FTCD: variants seen among roughly 807,000 people sequenced by gnomAD.
The protein encoded by FTCD is formimidoyltransferase cyclodeaminase.
Under a neutral mutation model 62.9 loss-of-function variants are expected in FTCD, and 76 were observed. That is an observed-to-expected ratio of 1.21 (90% CI 1.00 to 1.46). The LOEUF (loss-of-function observed/expected upper bound fraction) is 1.46, where lower values mean the gene tolerates loss of function less well. Ranked by LOEUF, FTCD falls within the 40% of genes most tolerant of loss-of-function variation. The probability of loss-of-function intolerance (pLI) is 0.00; values close to 1 mark genes in which losing one functional copy is unlikely to be tolerated. For missense variants in FTCD, 845 were observed against 751.3 expected (o/e 1.12, Z -1.46); for synonymous variants, 397 against 336.9 (o/e 1.18, Z -1.95).
chr21:46,151,363 C>T (rs1200161917), intron 5 of FTCD, among the ~76,000 whole-genome samples, 195 bp downstream of exon 5: 1 of 152,254 alleles, frequency 6.6e-6, no homozygotes, highest in Admixed American at 6.5e-5. Flanking sequence ...CCCAGCTTCA[C>T]TCCGCCCCTG....
intron 5 of FTCD, 101 bp downstream of exon 5, chr21:46,151,457 C>T (rs961771207): frequency 3.8e-5 from 36 of 952,104 alleles, no homozygotes; most frequent in Non-Finnish European, 4.8e-5. Context: ...CCTGTCCGGC[C>T]GGTGCCCCAT....
rs1377503485 is a variant in FTCD, at chr21:46,151,935, A to G, written c.413T>C (p.Leu138Pro). 2 of 1,573,278 alleles carry G rather than the reference A, an allele frequency of 1.3e-6. No homozygotes were observed. The highest frequency in any genetic ancestry group is 1.2e-5 in the South Asian group (1 of 86,304). The change falls in exon 4 of 14, where the codon CTG (leucine) becomes CCG (proline). Residue 138 changes from leucine (L) to proline (P), a missense_variant. Physicochemically the swap from Leu to Pro is moderately conservative, Grantham distance 98. Transcript: ENST00000397746. ...EAARMDSRRT[L>P]PAIRAGEYEA... is the part of the protein sequence containing the mutation. The stretch of plus-strand genomic sequence containing the variant: ...GTACTCCCCGGCCCGGATGGCCGGC[A>G]GGGTCCGGCGACTGTCCATCCTGGC...
At chr21:46,138,415 GC>G (rs1191224261) in intron 12 of FTCD, 92 bp downstream of exon 12, 2 of 1,304,432 alleles carry the variant, frequency 1.5e-6, no homozygotes, top group Non-Finnish European at 2.1e-6. Flanking sequence ...ACCTGGCTCA[GC>G]CCAGCCAACC....
Position 46,155,473 on chromosome 21 carries a change from C to T in FTCD, c.51G>A (p.Gln17=). The T allele has an allele frequency of 1.2e-6, 2 of 1,612,772 alleles. No individual in the cohort carries two copies. The highest frequency in any genetic ancestry group is 1.7e-6 in the Non-Finnish European group (2 of 1,179,630). ...TGACCAGCTCCTCGGGCCTCACCTC[C>T]TGGTTCTTCCCCTCCGAAAAGTTGG... ...CVPNFSEGKN[Q]EVIDAISGAI... Residue 17 remains glutamine, a synonymous_variant, in exon 1 of 14, where the codon CAG becomes CAA. Coordinates refer to ENST00000397746, the MANE Select transcript of FTCD (RefSeq NM_206965.2).
intron 7 of FTCD, among the ~76,000 whole-genome samples, chr21:46,148,525 G>T (rs1170753306): frequency 6.6e-6 from 1 of 152,160 alleles, no homozygotes; most frequent in African/African-American, 2.4e-5. Flanking sequence ...AGGCTGAGGT[G>T]GGAAGATCAC....
At chr21:46,139,271 C>T (rs2078942132) in intron 10 of FTCD, among the ~76,000 whole-genome samples, 1 of 152,290 alleles carries the variant, frequency 6.6e-6, no homozygotes, top group African/African-American at 2.4e-5. Flanking sequence ...GTGTCTCCAA[C>T]ACAAGCAGCT....
Position 46,152,414 on chromosome 21 carries a change from C to T in FTCD, c.368-434G>A, listed in dbSNP as rs988181007. 1.5e-4 allele frequency: 31 copies of T among 203,968 alleles called. 1 individual carries two copies. The highest frequency in any genetic ancestry group is 8.0e-4 in the East Asian group (6 of 7,492). The allele number at this position is 203,968 out of a possible 1,614,324, so 12.6% of individuals were successfully genotyped here. ...TTTCCTTCGGGGGGACTGGCATGAC[C>T]GTGACGGGGGTTACGTGTGCCCTGC... On this transcript the variant is annotated intron_variant, in intron 3 of 13. Coordinates refer to ENST00000397746, the MANE Select transcript of FTCD (RefSeq NM_206965.2).
At chr21:46,153,577 C>G (rs1601353744) in intron 2 of FTCD, among the ~76,000 whole-genome samples, 1 of 152,218 alleles carries the variant, frequency 6.6e-6, no homozygotes, top group African/African-American at 2.4e-5. Context: ...GGACGCCAGC[C>G]TCCCCCGCCT....
chr21:46,141,145 T>C (rs1435547826), intron 10 of FTCD, among the ~76,000 whole-genome samples: 2 of 152,360 alleles, frequency 1.3e-5, no homozygotes, highest in Non-Finnish European at 1.5e-5. Context: ...TATATACATA[T>C]GTTTACATTA....
At chr21:46,155,387 C>T (rs2079404104) in intron 1 of FTCD, 83 bp downstream of exon 1, 5 of 1,188,064 alleles carry the variant, frequency 4.2e-6, no homozygotes, top group Non-Finnish European at 6.2e-6. Flanking sequence ...ACACCAAGCC[C>T]ACCACCTCCT....
intron 10 of FTCD, among the ~76,000 whole-genome samples, chr21:46,141,307 T>C (rs938139668): frequency 6.6e-6 from 1 of 151,130 alleles, no homozygotes; most frequent in East Asian, 1.9e-4. Flanking sequence ...GGCTTTATTT[T>C]TTTTTTTTCT....
At chr21:46,150,088 T>C in intron 7 of FTCD, 31 bp downstream of exon 7, 4 of 907,756 alleles carry the variant, frequency 4.4e-6, no homozygotes, top group Non-Finnish European at 3.3e-6. Flanking sequence ...TGCACGCCCC[T>C]GTCCGACCCT....
At chr21:46,139,609 GTCA>G (rs1251848589) in intron 10 of FTCD, among the ~76,000 whole-genome samples, 5 of 152,228 alleles carry the variant, frequency 3.3e-5, no homozygotes, top group Admixed American at 1.3e-4. Context: ...CCACCAGAAA[GTCA>G]TCATCAACAG....
In FTCD at chr21:46,152,962, A is replaced by G. The variant is rs942232572; in HGVS notation, c.312T>C (p.Cys104=). ...IPVRGVSVDE[C]VLCAQAFGQR... ...GGCCAAAGGCCTGGGCGCAGAGCAC[A>G]CACTCATCCACGCTGACGCCCCTCA... Residue 104 remains cysteine, a synonymous_variant, in exon 3 of 14, where the codon TGT becomes TGC. Transcript: ENST00000397746. The G allele has an allele frequency of 7.1e-6, 11 of 1,559,634 alleles. No individual in the cohort carries two copies. The Admixed American group carries it at 1.2e-4, about 16-fold the overall frequency.
intron 2 of FTCD, among the ~76,000 whole-genome samples, chr21:46,153,856 G>A (rs1030025642): frequency 2.3e-4 from 35 of 152,220 alleles, no homozygotes; most frequent in Non-Finnish European, 3.8e-4. Flanking sequence ...GCAGGTGGAC[G>A]GGGCCCACAA....
At chr21:46,152,044 A>T in intron 3 of FTCD, 64 bp from the exon 4 acceptor site, 1 of 1,202,298 alleles carries the variant, frequency 8.3e-7, no homozygotes, top group Non-Finnish European at 1.2e-6. Flanking sequence ...TTCCTGGAGG[A>T]CGCAGGTGGA....
intron 12 of FTCD, among the ~76,000 whole-genome samples, chr21:46,138,010 C>T (rs1275249766): frequency 6.6e-6 from 1 of 152,186 alleles, no homozygotes; most frequent in Non-Finnish European, 1.5e-5. Flanking sequence ...AATTCTCCTG[C>T]CTCAGCCTCC....
intron 10 of FTCD, among the ~76,000 whole-genome samples, chr21:46,143,290 C>T (rs1384807932): frequency 6.6e-6 from 1 of 151,854 alleles, no homozygotes; most frequent in Non-Finnish European, 1.5e-5. Context: ...TTCTCTCTCC[C>T]TCCCTCCCAC....
chr21:46,138,766 C>T (rs2078928830), intron 11 of FTCD, 114 bp downstream of exon 11: 1 of 1,435,180 alleles, frequency 7.0e-7, no homozygotes, highest in Non-Finnish European at 9.8e-7. Flanking sequence ...CATTCCCAAA[C>T]ACCCAGCACG....
Sources: allele counts gnomAD v4.1 joint callset (sites outside exome capture counted in the v4.1 genomes callset), GRCh38; gene constraint gnomAD v4.1.1; transcripts MANE v1.5; gene names NCBI Gene and HGNC (gene_info 2026-07-23, HGNC 2026-07-21).